The following CAPZA1 variants were observed in gnomAD, a reference collection of about 807,000 sequenced individuals.
CAPZA1 encodes the protein F-actin-capping protein subunit alpha-1.
A neutral mutation model predicts 40.8 loss-of-function variants in CAPZA1; 10 were observed. That is an observed-to-expected ratio of 0.25 (90% CI 0.15 to 0.42). CAPZA1 has a LOEUF of 0.42. Among genes scored for constraint, CAPZA1 ranks in the 10% least tolerant of loss-of-function variants. The pLI is 1.00. For synonymous variants in CAPZA1, 98 were observed against 115.0 expected, an observed-to-expected ratio of 0.85 and a Z score of 0.95; for missense variants, 277 against 353.8, an observed-to-expected ratio of 0.78 and a Z score of 1.74.
chr1:112,625,399 AG>A (rs770080689), intron 1 of CAPZA1, among the ~76,000 whole-genome samples: 2 of 152,188 alleles, frequency 1.3e-5, no homozygotes, highest in South Asian at 4.1e-4. Context: ...ACACACACCC[AG>A]GTGTGTGTTT....
chr1:112,652,045 C>T (rs926847960), intron 3 of CAPZA1, among the ~76,000 whole-genome samples: 1 of 151,900 alleles, frequency 6.6e-6, no homozygotes, highest in East Asian at 1.9e-4. Flanking sequence ...CACTTGAATC[C>T]GGAAGGCAGA....
intron 1 of CAPZA1, among the ~76,000 whole-genome samples, chr1:112,642,553 G>A (rs1671193238): frequency 6.6e-6 from 1 of 152,044 alleles, no homozygotes; most frequent in Non-Finnish European, 1.5e-5. Flanking sequence ...AGAGTTGATT[G>A]CATCTTCCTT....
chr1:112,621,559 C>A (rs1670664832), intron 1 of CAPZA1, among the ~76,000 whole-genome samples: 1 of 151,702 alleles, frequency 6.6e-6, no homozygotes, highest in African/African-American at 2.4e-5. Flanking sequence ...GCCAAAATTT[C>A]ACAAATAATT....
chr1:112,663,667 A>G (rs1008840830), intron 7 of CAPZA1, among the ~76,000 whole-genome samples: 9 of 151,444 alleles, frequency 5.9e-5, no homozygotes, highest in African/African-American at 2.2e-4. Context: ...ATGCCTGCCT[A>G]ATTTTTTTTG....
intron 1 of CAPZA1, among the ~76,000 whole-genome samples, chr1:112,632,591 C>G (rs904524218): frequency 2.6e-5 from 4 of 152,086 alleles, no homozygotes; most frequent in Admixed American, 1.3e-4. Context: ...GGTGGGGTGT[C>G]AAATCCTAGT....
chr1:112,646,309 G>T (rs1186491922), intron 1 of CAPZA1, among the ~76,000 whole-genome samples: 1 of 152,198 alleles, frequency 6.6e-6, no homozygotes, highest in African/African-American at 2.4e-5. Flanking sequence ...GGCAGGCACG[G>T]TGGCTCACAC....
chr1:112,622,086 C>T (rs371839602), intron 1 of CAPZA1, among the ~76,000 whole-genome samples: 9 of 151,966 alleles, frequency 5.9e-5, no homozygotes, highest in African/African-American at 2.2e-4. Context: ...AATAGCAGAT[C>T]TGTGACCAGT....
At position 112,628,772 on chromosome 1, in the gene CAPZA1, C is replaced by T. The variant is rs548791863; in HGVS notation, c.39+8889C>T. ...TGCCCGCCCTTGGTTAATGACACTTCCATTCTTTAGTTGCTCAGGTCAAAA... is the reference window on the plus strand; with the variant it reads ...TGCCCGCCCTTGGTTAATGACACTTTCATTCTTTAGTTGCTCAGGTCAAAA... On this transcript the variant is annotated intron_variant, in intron 1 of 9. Coordinates refer to ENST00000263168, the MANE Select transcript of CAPZA1 (RefSeq NM_006135.3). Among the ~76,000 whole-genome samples the T allele has an allele frequency of 2.0e-5, 3 of 152,342 alleles. No individual in the cohort carries two copies. In the East Asian group the frequency reaches 5.8e-4, roughly 29 times the overall value.
At position 112,666,211 on chromosome 1, in the gene CAPZA1, A is replaced by G. The variant is rs143295325; in HGVS notation, c.586-863A>G. 3.9e-3 allele frequency among the ~76,000 whole-genome samples: 599 copies of G among 152,338 alleles called. 9 individuals carry two copies. The highest frequency in any genetic ancestry group is 0.013 in the African/African-American group (542 of 41,574). ...TCCTTTTTTACACATATTCATATGC[A>G]GTGAGTTCTTTGTTCTTCTCCAAAT... On this transcript the variant is annotated intron_variant, in intron 7 of 9. Transcript: ENST00000263168.
At chr1:112,623,677 G>A (rs147451947) in intron 1 of CAPZA1, among the ~76,000 whole-genome samples, 1,509 of 134,866 alleles carry the variant, frequency 0.011, 11 homozygotes, top group Middle Eastern at 0.04. Flanking sequence ...GCGAAACTCC[G>A]TCTCAAAAAA....
chr1:112,659,883 A>T (rs968643905), intron 7 of CAPZA1, 104 bp downstream of exon 7: 8 of 783,928 alleles, frequency 1.0e-5, no homozygotes, highest in Non-Finnish European at 1.7e-5. Context: ...ATGCAAAGGG[A>T]GACTGATGGC....
chr1:112,645,604 A>T (rs559374785), intron 1 of CAPZA1, among the ~76,000 whole-genome samples: 3 of 152,186 alleles, frequency 2.0e-5, no homozygotes, highest in Non-Finnish European at 4.4e-5. Context: ...ACTGCACTCT[A>T]GCCTGAGCAA....
intron 1 of CAPZA1, among the ~76,000 whole-genome samples, chr1:112,632,370 G>A (rs148946962): frequency 3.9e-4 from 60 of 152,258 alleles, no homozygotes; most frequent in African/African-American, 1.3e-3. Context: ...AAAGACAGCT[G>A]GGTATTTACG....
At chr1:112,650,495 A>C (rs1051325192) in intron 3 of CAPZA1, among the ~76,000 whole-genome samples, 1 of 152,222 alleles carries the variant, frequency 6.6e-6, no homozygotes, top group Non-Finnish European at 1.5e-5. Context: ...AGAATCTGCC[A>C]TAGAAAAGGA....
intron 1 of CAPZA1, among the ~76,000 whole-genome samples, chr1:112,636,567 A>C (rs1671023745): frequency 6.6e-6 from 1 of 151,678 alleles, no homozygotes; most frequent in Non-Finnish European, 1.5e-5. Flanking sequence ...CTATCTGATG[A>C]ATACAGTGTG....
chr1:112,652,340 G>A (rs529083904), intron 3 of CAPZA1, among the ~76,000 whole-genome samples: 64 of 151,734 alleles, frequency 4.2e-4, no homozygotes, highest in African/African-American at 1.4e-3. Flanking sequence ...AAATTAGCTG[G>A]GCATGGTGGC....
intron 1 of CAPZA1, chr1:112,626,364 C>A (rs897392615): frequency 6.6e-6 from 1 of 151,330 alleles, no homozygotes; most frequent in Non-Finnish European, 1.5e-5. Flanking sequence ...GAGGCTAAGC[C>A]GGGACGATCA....
intron 4 of CAPZA1, among the ~76,000 whole-genome samples, chr1:112,654,220 A>G (rs566200538): frequency 9.8e-5 from 15 of 152,356 alleles, no homozygotes; most frequent in Admixed American, 6.5e-5. Flanking sequence ...ATAGTTATGT[A>G]TAAGTATATA....
intron 1 of CAPZA1, among the ~76,000 whole-genome samples, chr1:112,632,940 C>G (rs868668278): frequency 3.9e-5 from 6 of 152,182 alleles, no homozygotes; most frequent in Admixed American, 2.6e-4. Context: ...TAAGATATAT[C>G]TTTATGCTTT....
Sources: gnomAD v4.1 joint callset for allele counts (sites outside exome capture counted in the v4.1 genomes callset) on GRCh38, gnomAD v4.1.1 for gene constraint, MANE v1.5 for transcripts, NCBI Gene and HGNC (gene_info 2026-07-23, HGNC 2026-07-21) for gene names.